PAX7: variants seen among roughly 807,000 people sequenced by gnomAD.
PAX7 encodes the protein paired box 7, also known as paired box protein Pax-7.
In PAX7, 18 loss-of-function variants were observed where a neutral mutation model predicts 50.7. The ratio of observed to expected loss-of-function variants is 0.36; its 90% CI spans 0.25 to 0.53. PAX7 has a LOEUF of 0.53. PAX7 is among the 20% of genes least tolerant of loss of function. PAX7 has a pLI of 0.93. For synonymous variants in PAX7, 310 were observed against 290.4 expected (o/e 1.07, Z -0.69); for missense variants, 644 against 702.9 (o/e 0.92, Z 0.95).
chr1:18,713,935 G>A (rs2089386192), intron 7 of PAX7, among the ~76,000 whole-genome samples: 1 of 152,236 alleles, frequency 6.6e-6, no homozygotes, highest in Non-Finnish European at 1.5e-5. Flanking sequence ...GCTCAGCCGG[G>A]CACAGTGGCT....
intron 4 of PAX7, among the ~76,000 whole-genome samples, chr1:18,687,598 C>T (rs1269407868): frequency 1.3e-5 from 2 of 152,164 alleles, no homozygotes; most frequent in African/African-American, 4.8e-5. Flanking sequence ...GTCTCTTCCC[C>T]TGAGCTTGGC....
chr1:18,721,328 C>G (rs946495781), intron 7 of PAX7, among the ~76,000 whole-genome samples: 14 of 152,158 alleles, frequency 9.2e-5, no homozygotes, highest in Admixed American at 3.9e-4. Flanking sequence ...ATTAATGTCC[C>G]CACCCCCAAG....
At chr1:18,733,451 A>G (rs946087557) in intron 7 of PAX7, among the ~76,000 whole-genome samples, 2 of 152,108 alleles carry the variant, frequency 1.3e-5, no homozygotes, top group African/African-American at 4.8e-5. Flanking sequence ...TGTCTTTGCC[A>G]TCTTGATGAG....
At chr1:18,720,097 C>T (rs2089475885) in intron 7 of PAX7, among the ~76,000 whole-genome samples, 1 of 152,194 alleles carries the variant, frequency 6.6e-6, no homozygotes, top group Admixed American at 6.5e-5. Flanking sequence ...CCAGAACAGG[C>T]AGGGTCTGGA....
chr1:18,686,701 C>T (rs904812944), intron 4 of PAX7, among the ~76,000 whole-genome samples: 1 of 152,034 alleles, frequency 6.6e-6, no homozygotes, highest in African/African-American at 2.4e-5. Context: ...GTGCAGGAAG[C>T]TGAAGTGAGG....
At chr1:18,712,852 C>T (rs903988096) in intron 7 of PAX7, among the ~76,000 whole-genome samples, 3 of 151,932 alleles carry the variant, frequency 2.0e-5, no homozygotes, top group African/African-American at 4.8e-5. Flanking sequence ...GAGGCTGAGG[C>T]GGGCGGATCG....
intron 4 of PAX7, among the ~76,000 whole-genome samples, chr1:18,689,080 C>T (rs2089019478): frequency 6.6e-6 from 1 of 152,104 alleles, no homozygotes; most frequent in Admixed American, 6.5e-5. Flanking sequence ...GCACTCCCTA[C>T]AACTCTAGTC....
At chr1:18,717,301 G>C (rs1214478928) in intron 7 of PAX7, among the ~76,000 whole-genome samples, 2 of 152,194 alleles carry the variant, frequency 1.3e-5, no homozygotes, top group Non-Finnish European at 2.9e-5. Context: ...CGGCCGTCTC[G>C]GGACGGGGCA....
At chr1:18,703,813 T>C (rs1201841010) in intron 7 of PAX7, among the ~76,000 whole-genome samples, 1 of 152,126 alleles carries the variant, frequency 6.6e-6, no homozygotes, top group Non-Finnish European at 1.5e-5. Flanking sequence ...AGGGATGAAG[T>C]GCCCCCTGCC....
chr1:18,684,917 A>T (rs1456542129), intron 4 of PAX7, among the ~76,000 whole-genome samples: 1 of 152,074 alleles, frequency 6.6e-6, no homozygotes, highest in Non-Finnish European at 1.5e-5. Flanking sequence ...CTGATCCGGG[A>T]TGGGTGATTT....
At chr1:18,702,179 A>C (rs1307590362) in intron 6 of PAX7, among the ~76,000 whole-genome samples, 1 of 149,160 alleles carries the variant, frequency 6.7e-6, no homozygotes, top group African/African-American at 2.5e-5. Context: ...TAAAAATACA[A>C]AAAAAAAAAA....
intron 6 of PAX7, among the ~76,000 whole-genome samples, chr1:18,701,554 A>T (rs531340923): frequency 6.6e-6 from 1 of 152,202 alleles, no homozygotes; most frequent in Admixed American, 6.5e-5. Flanking sequence ...TGACAAAAAA[A>T]AAATTTACAA....
intron 4 of PAX7, among the ~76,000 whole-genome samples, chr1:18,690,927 G>A (rs1267885807): frequency 1.3e-5 from 2 of 152,162 alleles, no homozygotes; most frequent in East Asian, 3.9e-4. Flanking sequence ...CCAGCATTTA[G>A]GAGCAGAGCC....
intron 4 of PAX7, among the ~76,000 whole-genome samples, chr1:18,653,948 T>G (rs1446988649): frequency 6.6e-6 from 1 of 152,016 alleles, no homozygotes; most frequent in Non-Finnish European, 1.5e-5. Flanking sequence ...ATGTCCCCAT[T>G]CTCGTTCTGG....
chr1:18,650,941 A>G (rs1439906160), intron 4 of PAX7, among the ~76,000 whole-genome samples: 2 of 152,110 alleles, frequency 1.3e-5, no homozygotes, highest in East Asian at 1.9e-4. Context: ...TACTGTCCCC[A>G]ACTCCTGCTT....
rs2089697467 is a variant in PAX7, at chr1:18,735,404, A to C, written c.1156-228A>C. 6.6e-6 allele frequency among the ~76,000 whole-genome samples: 1 copy of C among 152,190 alleles called. No homozygotes were observed. Among genetic ancestry groups the C allele is most frequent in the Non-Finnish European group, 1.5e-5 (1 of 68,028 alleles). On this transcript the variant is annotated intron_variant, in intron 7 of 8. Coordinates refer to ENST00000420770, the MANE Select transcript of PAX7 (RefSeq NM_001135254.2). The surrounding 1 kb of genome is among the most constrained non-coding windows in gnomAD (Gnocchi z 4.0). ...GCCCTGCTGAGTTCTCAGTGGAAGGAGGATCCCTGGGTCAGGACCCTCCTT... is the reference window on the plus strand; with the variant it reads ...GCCCTGCTGAGTTCTCAGTGGAAGGCGGATCCCTGGGTCAGGACCCTCCTT...
At chr1:18,638,851 G>GACATGTCCA (rs1460103117) in intron 4 of PAX7, among the ~76,000 whole-genome samples, 1 of 152,170 alleles carries the variant, frequency 6.6e-6, no homozygotes, top group Non-Finnish European at 1.5e-5. Flanking sequence ...CCAGGCCCCA[G>GACATGTCCA]ACATCAGTTT....
At chr1:18,691,194 G>C (rs2100294627) in intron 4 of PAX7, among the ~76,000 whole-genome samples, 1 of 152,244 alleles carries the variant, frequency 6.6e-6, no homozygotes, top group East Asian at 1.9e-4. Context: ...GTCCAGGCTG[G>C]TCTTGAACTC....
At chr1:18,660,160 G>T (rs543955004) in intron 4 of PAX7, among the ~76,000 whole-genome samples, 1 of 152,174 alleles carries the variant, frequency 6.6e-6, no homozygotes, top group African/African-American at 2.4e-5. Flanking sequence ...AGGGCCAAAT[G>T]GGCCTCCCAT....
Sources: allele counts gnomAD v4.1 joint callset (sites outside exome capture counted in the v4.1 genomes callset), GRCh38; gene constraint gnomAD v4.1.1; non-coding constraint Gnocchi (gnomAD v3.1); transcripts MANE v1.5; gene names NCBI Gene and HGNC (gene_info 2026-07-23, HGNC 2026-07-21).